Variants in EXOC6 observed in about 807,000 individuals in gnomAD.
EXOC6 encodes the protein SEC15-like 1.
Under a neutral mutation model 112.5 loss-of-function variants are expected in EXOC6, and 60 were observed. The ratio of observed to expected loss-of-function variants is 0.53; its 90% CI spans 0.43 to 0.66. EXOC6 has a LOEUF of 0.66. Ranked by LOEUF, EXOC6 falls within the 30% of genes least tolerant of loss-of-function variation. The pLI is 0.00. For missense variants in EXOC6, 855 were observed against 957.1 expected (o/e 0.89, Z 1.41); for synonymous variants, 295 against 308.0 (o/e 0.96, Z 0.44).
chr10:92,996,585 C>A (rs1373929207), intron 18 of EXOC6, among the ~76,000 whole-genome samples: 1 of 148,296 alleles, frequency 6.7e-6, no homozygotes, highest in Non-Finnish European at 1.5e-5. Context: ...CCAGCCCTGG[C>A]CACAGAGTGA....
rs1016878911 is a variant in EXOC6 at position 93,027,369 on chromosome 10, G to A, written c.2169+13102G>A. Among the ~76,000 whole-genome samples the A allele has an allele frequency of 5.3e-5, 8 of 152,298 alleles. No individual in the cohort carries two copies. In the East Asian group the frequency reaches 1.2e-3, roughly 22 times the overall value. ...GCTACAGCAAGTAATTTATCCAGAA[G>A]ATCTAACTAAGATAATTGATGAAGT... On this transcript the variant is annotated intron_variant, in intron 20 of 21. Transcript: ENST00000260762.
chr10:92,828,973 ATTTTC>A (rs1846429249), intron 1 of EXOC6, among the ~76,000 whole-genome samples: 1 of 151,870 alleles, frequency 6.6e-6, no homozygotes, highest in South Asian at 2.1e-4. Flanking sequence ...CCTCCAAATC[ATTTTC>A]TTTTCTAACA....
At chr10:92,860,179 G>C (rs1386800318) in intron 1 of EXOC6, among the ~76,000 whole-genome samples, 2 of 150,246 alleles carry the variant, frequency 1.3e-5, no homozygotes, top group Non-Finnish European at 3.0e-5. Flanking sequence ...ATAAGATTTA[G>C]CATTTTAATA....
At chr10:92,974,713 A>C (rs1249896645) in intron 18 of EXOC6, among the ~76,000 whole-genome samples, 3 of 152,086 alleles carry the variant, frequency 2.0e-5, no homozygotes, top group Non-Finnish European at 4.4e-5. Context: ...TTGCAGGCGC[A>C]CGCCACCACG....
chr10:92,965,769 T>C (rs1345470226), intron 17 of EXOC6, among the ~76,000 whole-genome samples: 1 of 152,180 alleles, frequency 6.6e-6, no homozygotes, highest in Non-Finnish European at 1.5e-5. Flanking sequence ...AAAAAGAAAA[T>C]ATAGTGAGCC....
At chr10:92,990,472 A>G (rs1843184523) in intron 18 of EXOC6, among the ~76,000 whole-genome samples, 1 of 152,174 alleles carries the variant, frequency 6.6e-6, no homozygotes, top group Non-Finnish European at 1.5e-5. Context: ...ACAACACGAG[A>G]GTTTTAGTAG....
chr10:92,827,513 T>C (rs1418788177), intron 1 of EXOC6, among the ~76,000 whole-genome samples: 2 of 74,762 alleles, frequency 2.7e-5, no homozygotes, highest in Admixed American at 1.5e-4. Flanking sequence ...AAAATCCCCA[T>C]GTTGAGTATA....
chr10:93,033,496 G>A (rs1845367571), intron 20 of EXOC6, among the ~76,000 whole-genome samples: 1 of 152,168 alleles, frequency 6.6e-6, no homozygotes, highest in Non-Finnish European at 1.5e-5. Flanking sequence ...ATATAGCATA[G>A]CATCACATGT....
intron 12 of EXOC6, among the ~76,000 whole-genome samples, chr10:92,937,539 C>T (rs185866059): frequency 6.6e-6 from 1 of 152,164 alleles, no homozygotes; most frequent in East Asian, 1.9e-4. Flanking sequence ...TCCACAAGCT[C>T]CTTTAGTAAA....
chr10:93,017,398 G>C (rs1040294731), intron 20 of EXOC6, among the ~76,000 whole-genome samples: 5 of 151,494 alleles, frequency 3.3e-5, no homozygotes, highest in African/African-American at 1.2e-4. Flanking sequence ...AAACCATCCT[G>C]GCCAACACGG....
intron 17 of EXOC6, among the ~76,000 whole-genome samples, chr10:92,962,455 TC>T (rs1378787322): frequency 6.6e-6 from 1 of 152,070 alleles, no homozygotes; most frequent in Non-Finnish European, 1.5e-5. Flanking sequence ...AGTGACTTGA[TC>T]CTGGCTTACT....
chr10:93,033,449 A>C (rs1036011320), intron 20 of EXOC6, among the ~76,000 whole-genome samples: 6 of 152,208 alleles, frequency 3.9e-5, no homozygotes, highest in Non-Finnish European at 8.8e-5. Flanking sequence ...AATTAATGGT[A>C]GTTTATTCTG....
intron 1 of EXOC6, among the ~76,000 whole-genome samples, chr10:92,852,855 GTAA>G (rs1847417268): frequency 6.6e-6 from 1 of 152,110 alleles, no homozygotes; most frequent in Admixed American, 6.6e-5. Context: ...CAGGAATGAG[GTAA>G]GGATATTCAT....
At chr10:92,954,779 G>A (rs749406164) in intron 16 of EXOC6, 38 bp downstream of exon 16, 1 of 872,782 alleles carries the variant, frequency 1.1e-6, no homozygotes, top group South Asian at 1.5e-5. Context: ...ATGTTTCATT[G>A]TATGAAACAA....
At chr10:93,031,102 A>G (rs565154824) in intron 20 of EXOC6, among the ~76,000 whole-genome samples, 1 of 152,314 alleles carries the variant, frequency 6.6e-6, no homozygotes, top group Non-Finnish European at 1.5e-5. Context: ...CAGAAAGAGA[A>G]GGAGGTAGAG....
intron 20 of EXOC6, among the ~76,000 whole-genome samples, chr10:93,048,546 C>A (rs1212291038): frequency 9.2e-5 from 14 of 151,904 alleles, no homozygotes; most frequent in Middle Eastern, 3.4e-3. Context: ...ATGTAACTAA[C>A]CTGCACATTG....
intron 3 of EXOC6, 24 bp downstream of exon 3, chr10:92,894,865 G>A: frequency 6.2e-7 from 1 of 1,611,804 alleles, no homozygotes; most frequent in Non-Finnish European, 8.5e-7. Context: ...ACTTTTCTGG[G>A]TATTCAGTAT....
At chr10:93,042,560 T>G (rs1244044924) in intron 20 of EXOC6, among the ~76,000 whole-genome samples, 2 of 152,186 alleles carry the variant, frequency 1.3e-5, no homozygotes, top group African/African-American at 4.8e-5. Flanking sequence ...CCTTAAATGA[T>G]TCAGTCAAAA....
intron 1 of EXOC6, among the ~76,000 whole-genome samples, chr10:92,852,761 C>T (rs2133636015): frequency 6.6e-6 from 1 of 152,138 alleles, no homozygotes; most frequent in South Asian, 2.1e-4. Context: ...AATGGAAATT[C>T]CTCAGCTTAA....
Sources: allele counts gnomAD v4.1 joint callset (sites outside exome capture counted in the v4.1 genomes callset), GRCh38; gene constraint gnomAD v4.1.1; transcripts MANE v1.5; gene names NCBI Gene and HGNC (gene_info 2026-07-23, HGNC 2026-07-21).